Variants in CTNNA2 observed in about 807,000 individuals in gnomAD.
CTNNA2 encodes catenin alpha-2.
CTNNA2 carries 42 observed loss-of-function variants against 101.0 expected under a neutral mutation model. That is an observed-to-expected ratio of 0.42 (90% CI 0.32 to 0.54). The LOEUF (loss-of-function observed/expected upper bound fraction) is 0.54. Among genes scored for constraint, CTNNA2 ranks in the 20% least tolerant of loss-of-function variants. CTNNA2 has a pLI of 0.14. For missense variants in CTNNA2, 871 were observed against 1,223.1 expected (o/e 0.71, Z 4.29); for synonymous variants, 450 against 456.4 (o/e 0.99, Z 0.18).
At chr2:79,280,908 T>C (rs1675360412) in intron 2 of CTNNA2, among the ~76,000 whole-genome samples, 1 of 152,084 alleles carries the variant, frequency 6.6e-6, no homozygotes, top group South Asian at 2.1e-4. Context: ...CGTATCATAC[T>C]AGAAAGCCTG....
chr2:79,883,195 A>G (rs13430537), intron 6 of CTNNA2, among the ~76,000 whole-genome samples: 40,147 of 152,170 alleles, frequency 0.26, 5,401 homozygotes, highest in Admixed American at 0.31. Flanking sequence ...CGAGTGTGTC[A>G]AACCCAGTTT....
chr2:79,346,793 T>A (rs1271111053), intron 3 of CTNNA2, among the ~76,000 whole-genome samples: 1 of 152,230 alleles, frequency 6.6e-6, no homozygotes, highest in Non-Finnish European at 1.5e-5. Context: ...TTCCCAGCCA[T>A]GTCTACTAAA....
chr2:80,419,592 A>G lies in CTNNA2; in HGVS notation c.1281A>G (p.Lys427=). The G allele has an allele frequency of 6.2e-7, 1 of 1,613,664 alleles. No individual in the cohort carries two copies. Among genetic ancestry groups the G allele is most frequent in the Non-Finnish European group, 8.5e-7 (1 of 1,179,716 alleles). The change falls in exon 9 of 19, where the codon AAA becomes AAG. Residue 427 remains lysine (K), a synonymous_variant. Coordinates refer to ENST00000402739, the MANE Select transcript of CTNNA2 (RefSeq NM_001282597.3). ...AAGTTTTCCGTGAGCATGCCAACAA[A>G]CTGGTAGAGGTAAGTGTGGAGGGGC... ...YAQVFREHAN[K]LVEVANLACS...
chr2:79,827,030 CTG>C (rs1678498370), intron 3 of CTNNA2, among the ~76,000 whole-genome samples: 1 of 151,994 alleles, frequency 6.6e-6, no homozygotes, highest in Admixed American at 6.6e-5. Flanking sequence ...AACAATTAGA[CTG>C]TAATTTTTTT....
At chr2:80,638,118 G>A (rs1472826850) in intron 18 of CTNNA2, among the ~76,000 whole-genome samples, 1 of 152,112 alleles carries the variant, frequency 6.6e-6, no homozygotes, top group Non-Finnish European at 1.5e-5. Context: ...AGAAATAGAG[G>A]GATCAAAGGT....
chr2:80,421,515 AC>A (rs1408456001), intron 9 of CTNNA2, among the ~76,000 whole-genome samples: 1 of 152,018 alleles, frequency 6.6e-6, no homozygotes, highest in African/African-American at 2.4e-5. Context: ...GGACACATCC[AC>A]CCTCTCCCCT....
intron 7 of CTNNA2, among the ~76,000 whole-genome samples, chr2:80,150,282 C>G (rs754428748): frequency 6.6e-6 from 1 of 152,176 alleles, no homozygotes; most frequent in Non-Finnish European, 1.5e-5. Context: ...TCTGACTTCA[C>G]AATTCCATCT....
intron 3 of CTNNA2, among the ~76,000 whole-genome samples, chr2:79,369,818 A>G (rs1677831126): frequency 6.6e-6 from 1 of 152,196 alleles, no homozygotes; most frequent in African/African-American, 2.4e-5. Context: ...GACACAGCTT[A>G]AGTCCCACCT....
At chr2:79,431,952 A>T (rs936432463) in intron 4 of CTNNA2, among the ~76,000 whole-genome samples, 3 of 152,218 alleles carry the variant, frequency 2.0e-5, no homozygotes, top group African/African-American at 7.2e-5. Flanking sequence ...AAATATAAAA[A>T]ATATAAGGCA....
Position 80,647,766 on chromosome 2 carries a change from G to C in CTNNA2, c.2756G>C (p.Arg919Thr). The C allele has an allele frequency of 6.2e-7, 1 of 1,613,606 alleles. No homozygotes were observed. Among genetic ancestry groups the C allele is most frequent in the Non-Finnish European group, 8.5e-7 (1 of 1,179,626 alleles). ...CCAGAGAAGAAGCCCCTTGTGAAGA[G>C]AGAAAAGCCTGAAGAATTCCAGACA... ...KAPEKKPLVK[R>T]EKPEEFQTRV... The change falls in exon 19 of 19, where the codon AGA becomes ACA. Residue 919 changes from arginine to threonine, a missense_variant. Physicochemically the swap from Arg to Thr is moderately conservative, Grantham distance 71 (BLOSUM62 -1). Transcript: ENST00000402739.
At chr2:80,093,147 C>T (rs2148823726) in intron 7 of CTNNA2, among the ~76,000 whole-genome samples, 1 of 151,926 alleles carries the variant, frequency 6.6e-6, no homozygotes, top group South Asian at 2.1e-4. Context: ...TAGTGCTATC[C>T]CCCCTGCTCC....
At chr2:79,865,136 T>C (rs1681938845) in intron 4 of CTNNA2, among the ~76,000 whole-genome samples, 1 of 152,212 alleles carries the variant, frequency 6.6e-6, no homozygotes. Context: ...TCAATGACAC[T>C]AGCATGTAAT....
chr2:80,552,366 TA>T (rs779520650), intron 11 of CTNNA2, among the ~76,000 whole-genome samples: 1 of 152,132 alleles, frequency 6.6e-6, no homozygotes, highest in Non-Finnish European at 1.5e-5. Flanking sequence ...TGATACACAA[TA>T]AAACAAGACA....
intron 3 of CTNNA2, among the ~76,000 whole-genome samples, chr2:79,751,713 A>G (rs969432534): frequency 6.6e-6 from 1 of 152,086 alleles, no homozygotes; most frequent in Non-Finnish European, 1.5e-5. Context: ...GAAGGAGGAC[A>G]GAAGCTATCT....
intron 3 of CTNNA2, among the ~76,000 whole-genome samples, chr2:79,778,109 A>T (rs1320983349): frequency 6.6e-6 from 1 of 152,018 alleles, no homozygotes. Context: ...CGGGAGGCTG[A>T]GGCAGGTGGA....
intron 7 of CTNNA2, among the ~76,000 whole-genome samples, chr2:79,922,788 A>G (rs1686762376): frequency 6.6e-6 from 1 of 152,104 alleles, no homozygotes; most frequent in Admixed American, 6.6e-5. Context: ...GACCCGCCCA[A>G]GGTCACATGT....
At chr2:79,225,032 A>G (rs191464914) in intron 2 of CTNNA2, among the ~76,000 whole-genome samples, 12 of 152,190 alleles carry the variant, frequency 7.9e-5, no homozygotes, top group African/African-American at 2.9e-4. Flanking sequence ...TATGTGGTGA[A>G]TAACCAAGCT....
rs1240049476 is a variant in CTNNA2, at chr2:80,545,024, G to T, written c.1333G>T (p.Val445Leu). Residue 445 changes from valine (V) to leucine (L), a missense_variant, in exon 10 of 19, where the codon GTG becomes TTG. By Grantham distance (32) the Val-to-Leu change is conservative (BLOSUM62 1). Coordinates refer to ENST00000402739, the MANE Select transcript of CTNNA2 (RefSeq NM_001282597.3). The part of the protein sequence containing the change: ...ACSISNNEEG[V>L]KLVRMAATQI... ...TTCCATCTCCAACAATGAAGAAGGG[G>T]TGAAATTAGTTCGGATGGCAGCCAC... 1 of 1,613,884 alleles carries T rather than the reference G, an allele frequency of 6.2e-7. No individual in the cohort carries two copies. The highest frequency in any genetic ancestry group is 1.3e-5 in the African/African-American group (1 of 74,900).
intron 7 of CTNNA2, among the ~76,000 whole-genome samples, chr2:80,244,286 A>G (rs1240496876): frequency 1.3e-5 from 2 of 152,238 alleles, no homozygotes; most frequent in Non-Finnish European, 2.9e-5. Flanking sequence ...AGATTGACTA[A>G]CATGTGATGT....
Sources: gnomAD v4.1 joint callset for allele counts (sites outside exome capture counted in the v4.1 genomes callset) on GRCh38, gnomAD v4.1.1 for gene constraint, MANE v1.5 for transcripts, NCBI Gene and HGNC (gene_info 2026-07-23, HGNC 2026-07-21) for gene names.